ZNF618: variants seen among roughly 807,000 people sequenced by gnomAD.
ZNF618 encodes neural precursor cell expressed, developmentally down-regulated 10.
A neutral mutation model predicts 103.0 loss-of-function variants in ZNF618; 34 were observed. The ratio of observed to expected loss-of-function variants is 0.33; its 90% confidence interval spans 0.25 to 0.44. The LOEUF is 0.44. Ranked by LOEUF, ZNF618 falls within the 20% of genes least tolerant of loss-of-function variation. The probability of loss-of-function intolerance (pLI) is 1.00; values close to 1 mark genes in which losing one functional copy is unlikely to be tolerated. For synonymous variants in ZNF618, 551 were observed against 542.2 expected, an observed-to-expected ratio of 1.02 and a Z score of -0.23; for missense variants, 1,059 against 1,295.4, an observed-to-expected ratio of 0.82 and a Z score of 2.80.
At position 113,921,813 on chromosome 9, in the gene ZNF618, A is replaced by G. The variant is rs1175144608; in HGVS notation, c.33+45400A>G. Among the ~76,000 whole-genome samples, 4 of 152,364 alleles carry G rather than the reference A, an allele frequency of 2.6e-5. No homozygotes were observed. The East Asian group carries it at 7.7e-4, about 29-fold the overall frequency. ...ATGACAAAGCTTTCTACAAAGCAAA[A>G]GATGCCTTCTATAAAGTGAATCATC... On this transcript the variant is annotated intron_variant, in intron 1 of 14. Coordinates refer to ENST00000374126, the MANE Select transcript of ZNF618 (RefSeq NM_001318042.2).
At position 114,056,346 on chromosome 9, in the gene ZNF618, CTGTT is replaced by C. The variant is rs1448478499; in HGVS notation, c.*6180_*6183del. On this transcript the variant is annotated 3_prime_UTR_variant, in exon 15 of 15. Coordinates refer to ENST00000374126, the MANE Select transcript of ZNF618 (RefSeq NM_001318042.2). ...GTTTAATGTTGCTGTTTTTACCTGT[CTGTT>C]CTTGTCCAAAAGTGGAACATTCCCA... The C allele has an allele frequency of 2.6e-5, 4 of 152,144 alleles. No homozygotes were observed. Among genetic ancestry groups the C allele is most frequent in the South Asian group, 2.1e-4 (1 of 4,832 alleles). The allele number at this position is 152,144 out of a possible 1,614,324, so 9.4% of individuals were successfully genotyped here.
intron 10 of ZNF618, among the ~76,000 whole-genome samples, chr9:114,024,264 T>C (rs1843305924): frequency 6.6e-6 from 1 of 152,226 alleles, no homozygotes; most frequent in Admixed American, 6.5e-5. Flanking sequence ...ATATTTTTCA[T>C]CTAAGTTTCA....
intron 1 of ZNF618, among the ~76,000 whole-genome samples, chr9:113,918,022 G>T (rs894973019): frequency 1.3e-5 from 2 of 152,108 alleles, no homozygotes; most frequent in Non-Finnish European, 2.9e-5. Context: ...ATCCCACATT[G>T]CACTTAGTTG....
chr9:113,979,598 T>C (rs972556637), intron 2 of ZNF618, among the ~76,000 whole-genome samples: 5 of 152,216 alleles, frequency 3.3e-5, no homozygotes, highest in African/African-American at 1.2e-4. Flanking sequence ...TGTTGATGGA[T>C]TGATCACAGA....
intron 13 of ZNF618, among the ~76,000 whole-genome samples, chr9:114,043,750 AGTAAGGTG>A (rs1239314626): frequency 6.6e-6 from 1 of 152,114 alleles, no homozygotes; most frequent in East Asian, 1.9e-4. Context: ...TTCTTGCAGG[AGTAAGGTG>A]GTATGGCACT....
intron 1 of ZNF618, among the ~76,000 whole-genome samples, chr9:113,898,438 G>GTT (rs11457055): frequency 0.06 from 7,418 of 123,964 alleles, 310 homozygotes; most frequent in Middle Eastern, 0.12. Flanking sequence ...CAGATTTTTC[G>GTT]TTTTTTTTTT....
At chr9:113,889,208 A>G (rs923655506) in intron 1 of ZNF618, among the ~76,000 whole-genome samples, 1 of 152,044 alleles carries the variant, frequency 6.6e-6, no homozygotes, top group African/African-American at 2.4e-5. Flanking sequence ...TTGTGGTCAT[A>G]TGGTGGCTGA....
chr9:113,991,074 G>A (rs1840016407), intron 3 of ZNF618, among the ~76,000 whole-genome samples: 1 of 152,260 alleles, frequency 6.6e-6, no homozygotes, highest in Non-Finnish European at 1.5e-5. Flanking sequence ...CTGGGATAGA[G>A]CCAGCAGTCT....
In ZNF618 at chr9:114,011,470, G is replaced by C. The variant is rs1842237370; in HGVS notation, c.754+2916G>C. ...TATCAGACTGGGTCTGGCTGCCAGC[G>C]TGCTCCCAGCTGGACTGAATGGAGC... On this transcript the variant is annotated intron_variant, in intron 9 of 14. Transcript: ENST00000374126. 2.0e-5 allele frequency among the ~76,000 whole-genome samples: 3 copies of C among 152,220 alleles called. No homozygotes were observed. The South Asian group carries it at 6.2e-4, about 31-fold the overall frequency.
intron 2 of ZNF618, among the ~76,000 whole-genome samples, chr9:113,975,027 T>C (rs1162541860): frequency 6.6e-6 from 1 of 152,184 alleles, no homozygotes; most frequent in South Asian, 2.1e-4. Flanking sequence ...TCAAAGCAGG[T>C]GCTCAGTAAA....
intron 1 of ZNF618, among the ~76,000 whole-genome samples, chr9:113,922,935 A>T (rs1832777611): frequency 6.6e-6 from 1 of 152,270 alleles, no homozygotes; most frequent in Non-Finnish European, 1.5e-5. Flanking sequence ...CTCCATGAAC[A>T]TGGAATATCT....
At chr9:113,986,765 G>A (rs1370050673) in intron 2 of ZNF618, among the ~76,000 whole-genome samples, 2 of 152,162 alleles carry the variant, frequency 1.3e-5, no homozygotes, top group Non-Finnish European at 2.9e-5. Context: ...GCCTTCCTCT[G>A]TCCTCTCCTC....
intron 1 of ZNF618, among the ~76,000 whole-genome samples, chr9:113,887,175 C>G (rs564016281): frequency 6.6e-6 from 1 of 151,928 alleles, no homozygotes; most frequent in East Asian, 1.9e-4. Flanking sequence ...CCTAGACAGA[C>G]TGTAGGACTC....
chr9:113,891,473 A>G (rs56228767), intron 1 of ZNF618, among the ~76,000 whole-genome samples: 1 of 152,066 alleles, frequency 6.6e-6, no homozygotes, highest in Non-Finnish European at 1.5e-5. Context: ...TATTTTTTTT[A>G]AAAAAGTGTT....
At chr9:114,046,140 A>G (rs1011481713) in intron 13 of ZNF618, among the ~76,000 whole-genome samples, 3 of 152,118 alleles carry the variant, frequency 2.0e-5, no homozygotes, top group Non-Finnish European at 2.9e-5. Flanking sequence ...AAGATTTTCT[A>G]TATACACAAT....
At chr9:114,024,951 T>A (rs1162520588) in intron 10 of ZNF618, among the ~76,000 whole-genome samples, 1 of 152,144 alleles carries the variant, frequency 6.6e-6, no homozygotes, top group Non-Finnish European at 1.5e-5. Flanking sequence ...TTCACTGAGA[T>A]GTTTGGGCTC....
At chr9:113,882,210 C>A (rs1448908781) in intron 1 of ZNF618, among the ~76,000 whole-genome samples, 2 of 152,200 alleles carry the variant, frequency 1.3e-5, no homozygotes, top group Non-Finnish European at 2.9e-5. Context: ...CGAATCCACC[C>A]CAATTGGGAA....
At chr9:113,974,979 G>A (rs1838346890) in intron 2 of ZNF618, among the ~76,000 whole-genome samples, 1 of 152,116 alleles carries the variant, frequency 6.6e-6, no homozygotes, top group East Asian at 1.9e-4. Context: ...ATGACGATTA[G>A]GTGTAATAAT....
intron 4 of ZNF618, among the ~76,000 whole-genome samples, chr9:114,000,844 A>G (rs1407416180): frequency 6.6e-6 from 1 of 152,228 alleles, no homozygotes; most frequent in African/African-American, 2.4e-5. Context: ...ATTGAGGCCC[A>G]GCCAGTAAAT....
Sources: gnomAD v4.1 joint callset for allele counts (sites outside exome capture counted in the v4.1 genomes callset) on GRCh38, gnomAD v4.1.1 for gene constraint, MANE v1.5 for transcripts, NCBI Gene and HGNC (gene_info 2026-07-23, HGNC 2026-07-21) for gene names.